Variants in CDKAL1 observed in about 807,000 individuals in gnomAD.
The protein encoded by CDKAL1 is CDKAL1 threonylcarbamoyladenosine tRNA methylthiotransferase.
Under a neutral mutation model 68.2 loss-of-function variants are expected in CDKAL1, and 32 were observed. The observed-to-expected ratio is 0.47, with a 90% CI of 0.35 to 0.63. The LOEUF is 0.63. Ranked by LOEUF, CDKAL1 falls within the 30% of genes least tolerant of loss-of-function variation. The probability of loss-of-function intolerance (pLI) is 0.00; values close to 1 mark genes in which losing one functional copy is unlikely to be tolerated. For synonymous variants in CDKAL1, 234 were observed against 244.3 expected, an observed-to-expected ratio of 0.96 and a Z score of 0.39; for missense variants, 606 against 696.7, an observed-to-expected ratio of 0.87 and a Z score of 1.47.
At chr6:20,894,997 C>A (rs886202653) in intron 9 of CDKAL1, among the ~76,000 whole-genome samples, 1 of 152,078 alleles carries the variant, frequency 6.6e-6, no homozygotes, top group Admixed American at 6.6e-5. Context: ...TTCTCTATCA[C>A]CTCCTACCAG....
intron 12 of CDKAL1, among the ~76,000 whole-genome samples, chr6:21,075,379 T>C (rs1317454549): frequency 6.6e-6 from 1 of 152,166 alleles, no homozygotes; most frequent in Non-Finnish European, 1.5e-5. Flanking sequence ...ACTAAATTGT[T>C]TGTATTCTTA....
rs371483425 is a variant in CDKAL1, at chr6:20,877,618, CAG to C, written c.742+31442_742+31443del. ...CCTCAGCTGTAGTTCAGTATGAACTCAGAAAACTTGTTTGTGACCCGAAATTA... is the reference window on the plus strand; with the variant it reads ...CCTCAGCTGTAGTTCAGTATGAACTCAAAACTTGTTTGTGACCCGAAATTA... On this transcript the variant is annotated intron_variant, in intron 9 of 15. Coordinates refer to ENST00000274695, the MANE Select transcript of CDKAL1 (RefSeq NM_017774.3). Among the ~76,000 whole-genome samples the C allele has an allele frequency of 7.1e-3, 1,074 of 152,312 alleles. 12 individuals are homozygous for C. The highest frequency in any genetic ancestry group is 0.012 in the Non-Finnish European group (838 of 68,024).
intron 11 of CDKAL1, among the ~76,000 whole-genome samples, chr6:21,013,462 G>A (rs796172337): frequency 1.3e-5 from 2 of 152,040 alleles, no homozygotes; most frequent in Admixed American, 6.5e-5. Flanking sequence ...CATAATAATC[G>A]CAGAGTAAAC....
intron 13 of CDKAL1, among the ~76,000 whole-genome samples, chr6:21,138,188 C>A (rs1345309694): frequency 6.6e-6 from 1 of 152,074 alleles, no homozygotes; most frequent in African/African-American, 2.4e-5. Context: ...CAAATAAATT[C>A]AATGACTCAG....
chr6:20,966,075 C>G lies in CDKAL1; in HGVS notation c.909+10490C>G, dbSNP rs554149513. On this transcript the variant is annotated intron_variant, in intron 10 of 15. Coordinates refer to ENST00000274695, the MANE Select transcript of CDKAL1 (RefSeq NM_017774.3). ...TACATCAGGTAGGTAATGGAATTTT[C>G]AGGTGATTCATGATCTAGAACAGAC... Among the ~76,000 whole-genome samples, 5 of 151,652 alleles carry G rather than the reference C, an allele frequency of 3.3e-5. No homozygotes were observed. In the East Asian group the frequency reaches 9.6e-4, roughly 29 times the overall value.
At chr6:20,649,512 A>G in intron 5 of CDKAL1, 135 bp downstream of exon 5, 1 of 544,994 alleles carries the variant, frequency 1.8e-6, no homozygotes, top group Non-Finnish European at 3.2e-6. Flanking sequence ...TTAAGATTAT[A>G]CTATTTTGAA....
rs72657615 is a variant in CDKAL1, at chr6:20,670,853, A to C, written c.371+21476A>C. 7.0e-3 allele frequency among the ~76,000 whole-genome samples: 1,066 copies of C among 152,288 alleles called. 70 individuals are homozygous for C. The East Asian group carries it at 0.15, about 21-fold the overall frequency. ...GGGAACTCTGCATCAGTTGATAGAA[A>C]TCTTCGTCATTCTTTCTTATGGCTG... On this transcript the variant is annotated intron_variant, in intron 5 of 15. Transcript: ENST00000274695.
chr6:20,601,187 A>G (rs1476185010), intron 4 of CDKAL1, among the ~76,000 whole-genome samples: 3 of 152,184 alleles, frequency 2.0e-5, no homozygotes, highest in African/African-American at 4.8e-5. Context: ...AAAAGTCTCA[A>G]TACCTCTGAG....
intron 9 of CDKAL1, among the ~76,000 whole-genome samples, chr6:20,942,709 C>T (rs1298754603): frequency 8.7e-5 from 13 of 148,874 alleles, no homozygotes; most frequent in South Asian, 2.1e-4. Context: ...GTAATGCCAG[C>T]ACTTTGGGAG....
At position 20,568,747 on chromosome 6, in the gene CDKAL1, A is replaced by C. The variant is rs6935461; in HGVS notation, c.286+20042A>C. 4.9e-5 allele frequency among the ~76,000 whole-genome samples: 4 copies of C among 82,278 alleles called. No homozygotes were observed. In the East Asian group the frequency reaches 2.0e-3, roughly 42 times the overall value. The allele number at this position is 82,278 out of a possible 152,430, so 54.0% of individuals were successfully genotyped here. A position where few individuals can be genotyped will look rare whatever the true frequency, so the allele number is the denominator to read the frequency against. On this transcript the variant is annotated intron_variant, in intron 4 of 15. Coordinates refer to ENST00000274695, the MANE Select transcript of CDKAL1 (RefSeq NM_017774.3). ...GAGACTCCGCCTCAAAAAAAAAAAAAAAACAAAAAAACAAAAAAACAAAGA... is the reference window on the plus strand; with the variant it reads ...GAGACTCCGCCTCAAAAAAAAAAAACAAACAAAAAAACAAAAAAACAAAGA...
At chr6:20,596,797 C>T (rs747246092) in intron 4 of CDKAL1, among the ~76,000 whole-genome samples, 40 of 152,160 alleles carry the variant, frequency 2.6e-4, no homozygotes, top group Admixed American at 5.9e-4. Flanking sequence ...TGTAGGCACC[C>T]GAGGGATTGT....
intron 11 of CDKAL1, among the ~76,000 whole-genome samples, chr6:21,059,703 C>T (rs1000017055): frequency 5.9e-5 from 9 of 152,116 alleles, no homozygotes; most frequent in East Asian, 1.9e-4. Context: ...TCATTCTTCA[C>T]GGTGGGAGCC....
chr6:20,915,984 A>C (rs547612423), intron 9 of CDKAL1, among the ~76,000 whole-genome samples: 1 of 152,204 alleles, frequency 6.6e-6, no homozygotes, highest in Non-Finnish European at 1.5e-5. Flanking sequence ...GAGGTGACAA[A>C]ACTATAGAGA....
intron 8 of CDKAL1, among the ~76,000 whole-genome samples, chr6:20,792,089 A>G (rs1159376665): frequency 6.6e-6 from 1 of 152,162 alleles, no homozygotes; most frequent in African/African-American, 2.4e-5. Flanking sequence ...ATACAAGAAT[A>G]ATATATATCC....
rs1166309612 is a variant in CDKAL1 at position 20,686,823 on chromosome 6, A to AT, written c.371+37451dup. Among the ~76,000 whole-genome samples, 5 of 152,180 alleles carry AT rather than the reference A, an allele frequency of 3.3e-5. No individual in the cohort carries two copies. The East Asian group carries it at 9.7e-4, about 29-fold the overall frequency. On this transcript the variant is annotated intron_variant, in intron 5 of 15. Transcript: ENST00000274695. Reference sequence around the variant, plus strand: ...CCGTTAAGTATGATGTTAGCTATAGATTTTTGTAGTCTTTTTAACTAGTTG... The same window carrying AT: ...CCGTTAAGTATGATGTTAGCTATAGATTTTTTGTAGTCTTTTTAACTAGTTG...
At position 20,739,538 on chromosome 6, in the gene CDKAL1, A is replaced by G. The variant is rs1376581180; in HGVS notation, c.391A>G (p.Lys131Glu). The change falls in exon 6 of 16, where the codon AAG becomes GAG. Residue 131 changes from lysine (K) to glutamate (E), a missense_variant. Transcript: ENST00000274695. ...NSIKKAQEEN[K>E]KIVLAGCVPQ... ...TTTTAGAAAAGCTCAAGAGGAGAAC[A>G]AGAAAATCGTACTGGCTGGATGCGT... is the stretch of plus-strand genomic sequence containing the variant. 6.2e-7 allele frequency: 1 copy of G among 1,611,938 alleles called. No homozygotes were observed. Among genetic ancestry groups the G allele is most frequent in the East Asian group, 2.2e-5 (1 of 44,870 alleles).
At position 20,670,157 on chromosome 6, in the gene CDKAL1, TACTA is replaced by T. The variant is rs563065359; in HGVS notation, c.371+20783_371+20786del. Among the ~76,000 whole-genome samples the T allele has an allele frequency of 3.7e-3, 559 of 152,320 alleles. 5 individuals carry two copies. Among genetic ancestry groups the T allele is most frequent in the African/African-American group, 0.013 (535 of 41,574 alleles). ...TAATCATATACAGTGGTTTCAGAATTACTAACCCATCTCTGTGAAAAAGAAATTT... is the reference window on the plus strand; with the variant it reads ...TAATCATATACAGTGGTTTCAGAATTACCCATCTCTGTGAAAAAGAAATTT... On this transcript the variant is annotated intron_variant, in intron 5 of 15. Transcript: ENST00000274695.
chr6:20,758,856 A>G (rs1173898021), intron 7 of CDKAL1, among the ~76,000 whole-genome samples: 1 of 152,222 alleles, frequency 6.6e-6, no homozygotes, highest in Non-Finnish European at 1.5e-5. Flanking sequence ...TGAATCAGGC[A>G]AAGAGCAATG....
chr6:20,947,648 C>A (rs1764312440), intron 9 of CDKAL1, among the ~76,000 whole-genome samples: 1 of 152,052 alleles, frequency 6.6e-6, no homozygotes, highest in East Asian at 1.9e-4. Flanking sequence ...ATTTCATACA[C>A]CCAACCTACT....
Sources: gnomAD v4.1 joint callset for allele counts (sites outside exome capture counted in the v4.1 genomes callset) on GRCh38, gnomAD v4.1.1 for gene constraint, MANE v1.5 for transcripts, NCBI Gene and HGNC (gene_info 2026-07-23, HGNC 2026-07-21) for gene names.